KRTAP9-4: variants seen among roughly 807,000 people sequenced by gnomAD.
KRTAP9-4 encodes keratin-associated protein 9-4.
A neutral mutation model predicts 12.7 loss-of-function variants in KRTAP9-4; 8 were observed. That is an observed-to-expected ratio of 0.63 (90% CI 0.37 to 1.14). The LOEUF (loss-of-function observed/expected upper bound fraction) is 1.14. Among genes scored for constraint, KRTAP9-4 ranks in the 50% most tolerant of loss-of-function variants. KRTAP9-4 has a pLI of 0.01. For synonymous variants in KRTAP9-4, 81 were observed against 67.3 expected (o/e 1.20, Z -1.00); for missense variants, 188 against 189.1 (o/e 0.99, Z 0.03).
Position 41,249,888 on chromosome 17 carries a change from C to T in KRTAP9-4, c.168C>T (p.Cys56=), listed in dbSNP as rs368137391. 3.9e-6 allele frequency: 6 copies of T among 1,543,506 alleles called. No individual in the cohort carries two copies. The highest frequency in any genetic ancestry group is 4.4e-6 in the Non-Finnish European group (5 of 1,123,968). Residue 56 remains cysteine, a synonymous_variant, in exon 1 of 1, where the codon TGC becomes TGT. Transcript: ENST00000334109. ...SCCQPCCRPT[C]CQNTCCQPTC... ...GCCAGCCTTGCTGCCGCCCAACTTG[C>T]TGTCAAAACACCTGCTGCCAGCCCA...
rs1167939609 is a variant in KRTAP9-4, at chr17:41,250,425, G to T, written c.*240G>T. Reference sequence around the variant, plus strand: ...GCCAGCTTCGTGTGTTCTCAATTTTGAGTCATGGTCTCAGCTTTGACTCAA... The same window carrying T: ...GCCAGCTTCGTGTGTTCTCAATTTTTAGTCATGGTCTCAGCTTTGACTCAA... On this transcript the variant is annotated 3_prime_UTR_variant, in exon 1 of 1. Transcript: ENST00000334109. The T allele has an allele frequency of 1.4e-6, 1 of 700,326 alleles. No homozygotes were observed. The highest frequency in any genetic ancestry group is 1.8e-5 in the African/African-American group (1 of 55,654). The allele number at this position is 700,326 out of a possible 1,614,324, so 43.4% of individuals were successfully genotyped here. A position where few individuals can be genotyped will look rare whatever the true frequency, so the allele number is the denominator to read the frequency against.
At position 41,250,291 on chromosome 17, in the gene KRTAP9-4, C is replaced by T; in HGVS notation, c.*106C>T. On this transcript the variant is annotated 3_prime_UTR_variant, in exon 1 of 1. Transcript: ENST00000334109. The stretch of plus-strand genomic sequence containing the variant: ...GCTGCTGACAGCCACCATGCTCTCA[C>T]CCAAATTTTTATGAATTCTCTACCT... 1 of 1,349,198 alleles carries T rather than the reference C, an allele frequency of 7.4e-7. No homozygotes were observed. The highest frequency in any genetic ancestry group is 1.0e-6 in the Non-Finnish European group (1 of 972,236). The allele number at this position is 1,349,198 out of a possible 1,614,324, so 83.6% of individuals were successfully genotyped here. A position where few individuals can be genotyped will look rare whatever the true frequency, so the allele number is the denominator to read the frequency against.
Position 41,249,887 on chromosome 17 carries a change from G to C in KRTAP9-4, c.167G>C (p.Cys56Ser), listed in dbSNP as rs758883454. Residue 56 changes from cysteine to serine, a missense_variant, in exon 1 of 1, where the codon TGC becomes TCC. Transcript: ENST00000334109. ...SCCQPCCRPT[C>S]CQNTCCQPTC... ...TGCCAGCCTTGCTGCCGCCCAACTT[G>C]CTGTCAAAACACCTGCTGCCAGCCC... 1.1e-5 allele frequency: 17 copies of C among 1,543,084 alleles called. 1 individual carries two copies. In the South Asian group the frequency reaches 1.2e-4, roughly 11 times the overall value.
chr17:41,249,907 C>A lies in KRTAP9-4; in HGVS notation c.187C>A (p.Gln63Lys). 1 of 1,613,262 alleles carries A rather than the reference C, an allele frequency of 6.2e-7. No homozygotes were observed. The highest frequency in any genetic ancestry group is 8.5e-7 in the Non-Finnish European group (1 of 1,179,494). The change falls in exon 1 of 1, where the codon CAG becomes AAG. Residue 63 changes from glutamine (Q) to lysine (K), a missense_variant. Gln to Lys is a moderately conservative substitution (Grantham distance 53). Coordinates refer to ENST00000334109, the MANE Select transcript of KRTAP9-4 (RefSeq NM_033191.3). ...AACTTGCTGTCAAAACACCTGCTGC[C>A]AGCCCACCTGTGTGACCAGCTGCTG... Reference protein sequence around the residue: ...RPTCCQNTCCQPTCVTSCCQP... With the variant: ...RPTCCQNTCCKPTCVTSCCQP...
Position 41,249,755 on chromosome 17 carries a change from C to T in KRTAP9-4, c.35C>T (p.Thr12Ile), listed in dbSNP as rs1194817185. The T allele has an allele frequency of 1.2e-6, 2 of 1,612,234 alleles. No homozygotes were observed. The highest frequency in any genetic ancestry group is 8.5e-7 in the Non-Finnish European group (1 of 1,179,812). Reference sequence around the variant, plus strand: ...TGTTGCTCCCCTTGCTGTCAGCCTACATGCTGCAGGACCACCTGCTGCAGG... The same window carrying T: ...TGTTGCTCCCCTTGCTGTCAGCCTATATGCTGCAGGACCACCTGCTGCAGG... ...THCCSPCCQPTCCRTTCCRTT... is the reference protein window; with the variant it reads ...THCCSPCCQPICCRTTCCRTT... Residue 12 changes from threonine to isoleucine, a missense_variant, in exon 1 of 1, where the codon ACA becomes ATA. Thr to Ile is a moderately conservative substitution (Grantham distance 89). Coordinates refer to ENST00000334109, the MANE Select transcript of KRTAP9-4 (RefSeq NM_033191.3).
rs1296329314 is a variant in KRTAP9-4, at chr17:41,250,176, T to C, written c.456T>C (p.Phe152=). 3 of 1,614,242 alleles carry C rather than the reference T, an allele frequency of 1.9e-6. No homozygotes were observed. Among genetic ancestry groups the C allele is most frequent in the South Asian group, 2.2e-5 (2 of 91,084 alleles). ...PTCVSSCCQP[F]CC ...GTGTGTCCAGCTGCTGTCAGCCTTT[T>C]TGCTGCTGATCAAGTCCCAAGAGAA... The change falls in exon 1 of 1, where the codon TTT becomes TTC. Residue 152 remains phenylalanine (F), a synonymous_variant. Transcript: ENST00000334109.
chr17:41,250,486 TA>T lies in KRTAP9-4; in HGVS notation c.*302del. On this transcript the variant is annotated 3_prime_UTR_variant, in exon 1 of 1. Coordinates refer to ENST00000334109, the MANE Select transcript of KRTAP9-4 (RefSeq NM_033191.3). ...CTTCATTCTCTGCTTCTAAGGAATT[TA>T]GGTTTCTGCAACTGATCAATAATCT... The T allele has an allele frequency of 1.6e-6, 1 of 610,072 alleles. No individual in the cohort carries two copies. Among genetic ancestry groups the T allele is most frequent in the South Asian group, 2.2e-5 (1 of 45,072 alleles). The allele number at this position is 610,072 out of a possible 1,614,324, so 37.8% of individuals were successfully genotyped here.
Position 41,249,815 on chromosome 17 carries a change from G to C in KRTAP9-4, c.95G>C (p.Cys32Ser), listed in dbSNP as rs1224269180. The change falls in exon 1 of 1, where the codon TGC becomes TCC. Residue 32 changes from cysteine (C) to serine (S), a missense_variant. Transcript: ENST00000334109. The stretch of plus-strand genomic sequence containing the variant: ...TGGAAGCCCACCACTGTGACCACCT[G>C]CAGCAGCACACCCTGCTGCCAGCCC... ...TCWKPTTVTT[C>S]SSTPCCQPSC... is the part of the protein sequence containing the mutation. The C allele has an allele frequency of 8.7e-6, 14 of 1,612,168 alleles. No individual in the cohort carries two copies. The highest frequency in any genetic ancestry group is 1.1e-5 in the Non-Finnish European group (13 of 1,179,600).
In KRTAP9-4 at chr17:41,250,063, G is replaced by C. The variant is rs774752401; in HGVS notation, c.343G>C (p.Gly115Arg). ...CTACCCCACAACTGTCTGCCTGCCT[G>C]GTTGCCTAAACCAGAGCTGTGGCTC... ...CYYPTTVCLP[G>R]CLNQSCGSNC... The change falls in exon 1 of 1, where the codon GGT (glycine) becomes CGT (arginine). Residue 115 changes from glycine (G) to arginine (R), a missense_variant. By Grantham distance (125) the Gly-to-Arg change is moderately radical. Coordinates refer to ENST00000334109, the MANE Select transcript of KRTAP9-4 (RefSeq NM_033191.3). 6.2e-7 allele frequency: 1 copy of C among 1,612,706 alleles called. No homozygotes were observed. The highest frequency in any genetic ancestry group is 1.1e-5 in the South Asian group (1 of 91,014).
In KRTAP9-4 at chr17:41,250,564, CT is replaced by C. The variant is rs1198720820; in HGVS notation, c.*382del. ...TCCTCCTCATGGTTCTTGTATCCTT[CT>C]TTCTTCTTTTCATAACTTTGGGTTA... is the stretch of plus-strand genomic sequence containing the variant. On this transcript the variant is annotated 3_prime_UTR_variant, in exon 1 of 1. Transcript: ENST00000334109. The C allele has an allele frequency of 2.5e-6, 1 of 394,108 alleles. No homozygotes were observed. The highest frequency in any genetic ancestry group is 4.8e-6 in the Non-Finnish European group (1 of 209,124). 24.4% of individuals were successfully genotyped at this position (394,108 alleles called of 1,614,324 possible). A position where few individuals can be genotyped will look rare whatever the true frequency, so the allele number is the denominator to read the frequency against.
chr17:41,249,917 G>T lies in KRTAP9-4; in HGVS notation c.197G>T (p.Cys66Phe). ...CCQNTCCQPT[C>F]VTSCCQPSCC... ...CAAAACACCTGCTGCCAGCCCACCT[G>T]TGTGACCAGCTGCTGCCAGCCTTCC... Residue 66 changes from cysteine to phenylalanine, a missense_variant, in exon 1 of 1, where the codon TGT becomes TTT. Cys to Phe is a radical substitution (Grantham distance 205). Coordinates refer to ENST00000334109, the MANE Select transcript of KRTAP9-4 (RefSeq NM_033191.3). 6.2e-7 allele frequency: 1 copy of T among 1,613,576 alleles called. No individual in the cohort carries two copies. Among genetic ancestry groups the T allele is most frequent in the Non-Finnish European group, 8.5e-7 (1 of 1,179,676 alleles).
rs574644558 is a variant in KRTAP9-4, at chr17:41,250,460, G to A, written c.*275G>A. On this transcript the variant is annotated 3_prime_UTR_variant, in exon 1 of 1. Coordinates refer to ENST00000334109, the MANE Select transcript of KRTAP9-4 (RefSeq NM_033191.3). ...CTCAGCTTTGACTCAAAAGTCAAGA[G>A]CTTCATTCTCTGCTTCTAAGGAATT... The A allele has an allele frequency of 3.1e-6, 2 of 645,762 alleles. No homozygotes were observed. Among genetic ancestry groups the A allele is most frequent in the African/African-American group, 3.7e-5 (2 of 54,534 alleles). The allele number at this position is 645,762 out of a possible 1,614,324, so 40.0% of individuals were successfully genotyped here. A position where few individuals can be genotyped will look rare whatever the true frequency, so the allele number is the denominator to read the frequency against.
chr17:41,249,864 C>G lies in KRTAP9-4; in HGVS notation c.144C>G (p.Cys48Trp). The G allele has an allele frequency of 6.5e-7, 1 of 1,541,718 alleles. No homozygotes were observed. The highest frequency in any genetic ancestry group is 2.3e-5 in the East Asian group (1 of 43,110). The change falls in exon 1 of 1, where the codon TGC becomes TGG. Residue 48 changes from cysteine to tryptophan, a missense_variant. Coordinates refer to ENST00000334109, the MANE Select transcript of KRTAP9-4 (RefSeq NM_033191.3). ...CCTCCTGCTGTGTTTCCAGCTGCTG[C>G]CAGCCTTGCTGCCGCCCAACTTGCT... ...CQPSCCVSSC[C>W]QPCCRPTCCQ...
At position 41,250,012 on chromosome 17, in the gene KRTAP9-4, C is replaced by A; in HGVS notation, c.292C>A (p.Pro98Thr). ...CTGTGACCAGAGCAGCTCCTGTGCA[C>A]CTGTGTACTGCAGAAGAACCTGCTA... is the stretch of plus-strand genomic sequence containing the variant. ...SSCDQSSSCA[P>T]VYCRRTCYYP... is the part of the protein sequence containing the mutation. Residue 98 changes from proline (P) to threonine (T), a missense_variant, in exon 1 of 1, where the codon CCT becomes ACT. Coordinates refer to ENST00000334109, the MANE Select transcript of KRTAP9-4 (RefSeq NM_033191.3). 1 of 1,614,010 alleles carries A rather than the reference C, an allele frequency of 6.2e-7. No individual in the cohort carries two copies.
the KRTAP9-4 span, chr17:41,249,963 C>A: frequency 6.2e-7 from 1 of 1,613,486 alleles, no homozygotes; most frequent in Non-Finnish European, 8.5e-7. Flanking sequence ...CACCCTGCTG[C>A]CAGCCCACCT....
Position 41,250,576 on chromosome 17 carries a change from C to CCTG in KRTAP9-4, c.*391_*392insCTG. 3.2e-6 allele frequency: 1 copy of CCTG among 312,586 alleles called. No individual in the cohort carries two copies. Among genetic ancestry groups the CCTG allele is most frequent in the East Asian group, 7.5e-5 (1 of 13,366 alleles). 19.4% of individuals were successfully genotyped at this position (312,586 alleles called of 1,614,324 possible). A position where few individuals can be genotyped will look rare whatever the true frequency, so the allele number is the denominator to read the frequency against. On this transcript the variant is annotated 3_prime_UTR_variant, in exon 1 of 1. Transcript: ENST00000334109. ...TTCTTGTATCCTTCTTTCTTCTTTT[C>CCTG]ATAACTTTGGGTTATGTTTCTGCTA...
Position 41,250,204 on chromosome 17 carries a change from A to G in KRTAP9-4, c.*19A>G. On this transcript the variant is annotated 3_prime_UTR_variant, in exon 1 of 1. Transcript: ENST00000334109. ...CTGCTGATCAAGTCCCAAGAGAACCACCATCCTCACACAACAACTTTCTGC... is the reference window on the plus strand; with the variant it reads ...CTGCTGATCAAGTCCCAAGAGAACCGCCATCCTCACACAACAACTTTCTGC... The G allele has an allele frequency of 6.2e-7, 1 of 1,613,830 alleles. No individual in the cohort carries two copies. Among genetic ancestry groups the G allele is most frequent in the Non-Finnish European group, 8.5e-7 (1 of 1,179,686 alleles).
At position 41,250,506 on chromosome 17, in the gene KRTAP9-4, A is replaced by C. The variant is rs1262866274; in HGVS notation, c.*321A>C. ...GAATTTAGGTTTCTGCAACTGATCA[A>C]TAATCTTTGCAATCATATTTTTGTT... is the stretch of plus-strand genomic sequence containing the variant. On this transcript the variant is annotated 3_prime_UTR_variant, in exon 1 of 1. Coordinates refer to ENST00000334109, the MANE Select transcript of KRTAP9-4 (RefSeq NM_033191.3). 6 of 576,100 alleles carry C rather than the reference A, an allele frequency of 1.0e-5. No individual in the cohort carries two copies. Among genetic ancestry groups the C allele is most frequent in the Non-Finnish European group, 1.2e-5 (4 of 320,016 alleles). 35.7% of individuals were successfully genotyped at this position (576,100 alleles called of 1,614,324 possible).
chr17:41,250,528 TG>T lies in KRTAP9-4; in HGVS notation c.*344del. 1.9e-6 allele frequency: 1 copy of T among 537,610 alleles called. No homozygotes were observed. The highest frequency in any genetic ancestry group is 2.4e-5 in the South Asian group (1 of 41,002). The allele number at this position is 537,610 out of a possible 1,614,324, so 33.3% of individuals were successfully genotyped here. On this transcript the variant is annotated 3_prime_UTR_variant, in exon 1 of 1. Coordinates refer to ENST00000334109, the MANE Select transcript of KRTAP9-4 (RefSeq NM_033191.3). ...TCAATAATCTTTGCAATCATATTTT[TG>T]TTTTCAATATCCTCCTCATGGTTCT...
Sources: allele counts gnomAD v4.1 joint callset, GRCh38; gene constraint gnomAD v4.1.1; transcripts MANE v1.5; gene names NCBI Gene and HGNC (gene_info 2026-07-23, HGNC 2026-07-21).